Variants in ASAH1 observed in about 807,000 individuals in gnomAD.
ASAH1 encodes the protein N-acylsphingosine amidohydrolase 1.
In ASAH1, 70 loss-of-function variants were observed where a neutral mutation model predicts 59.5. The observed-to-expected ratio is 1.18, with a 90% CI of 0.97 to 1.43. ASAH1 has a LOEUF of 1.43. ASAH1 is among the 40% of genes most tolerant of loss of function. The pLI is 0.00. For missense variants in ASAH1, 660 were observed against 482.5 expected (o/e 1.37, Z -3.45); for synonymous variants, 213 against 166.5 (o/e 1.28, Z -2.15).
intron 1 of ASAH1, chr8:18,082,532 A>C (rs1451226146): frequency 6.6e-6 from 1 of 152,202 alleles, no homozygotes; most frequent in Non-Finnish European, 1.5e-5. Flanking sequence ...GGCACCTGCA[A>C]CGCACAAAAC....
At chr8:18,080,092 G>C (rs1026109832) in intron 1 of ASAH1, among the ~76,000 whole-genome samples, 2 of 152,168 alleles carry the variant, frequency 1.3e-5, no homozygotes, top group African/African-American at 4.8e-5. Context: ...TCCCTCTTTG[G>C]GAGAAGTAGG....
At chr8:18,078,865 C>G (rs891522914) in intron 1 of ASAH1, among the ~76,000 whole-genome samples, 1 of 152,140 alleles carries the variant, frequency 6.6e-6, no homozygotes, top group African/African-American at 2.4e-5. Flanking sequence ...CTCTAACCCT[C>G]TCCCCACAGT....
chr8:18,057,543 T>C lies in ASAH1; in HGVS notation c.1179A>G (p.Ile393Met). Residue 393 changes from isoleucine to methionine, a missense_variant, in exon 14 of 14, where the codon ATA becomes ATG. Transcript: ENST00000637790. ...TAGGCCAGACGTGTGCTCACCAACC[T>C]ATACAAGGGTCAGGGCAGTCCCGCA... ...TYLRDCPDPC[I>M]GW 1 of 1,598,170 alleles carries C rather than the reference T, an allele frequency of 6.3e-7. No individual in the cohort carries two copies.
Position 18,057,494 on chromosome 8 carries a change from T to C in ASAH1, c.*40A>G. 1 of 1,474,214 alleles carries C rather than the reference T, an allele frequency of 6.8e-7. No individual in the cohort carries two copies. Among genetic ancestry groups the C allele is most frequent in the Non-Finnish European group, 9.4e-7 (1 of 1,062,478 alleles). 91.3% of individuals were successfully genotyped at this position (1,474,214 alleles called of 1,614,324 possible). On this transcript the variant is annotated 3_prime_UTR_variant, in exon 14 of 14. Transcript: ENST00000637790. ...GTTCGGTCACATGGAGATGGTGTCT[T>C]CATGTCTCAGAGGCCGCATTCTGTA...
At chr8:18,069,421 T>C (rs1168788996) in intron 4 of ASAH1, 1 of 209,332 alleles carries the variant, frequency 4.8e-6, no homozygotes, top group Non-Finnish European at 9.7e-6. Flanking sequence ...AGGCTGAGTA[T>C]GTCATTTGCT....
rs1470195947 is a variant in ASAH1, at chr8:18,069,799, T to A, written c.296A>T (p.Glu99Val). ...AGAAATAATATCTCTTACCAATTTT[T>A]CATCCACCACCTGCATAATTTTTCC... ...PSGKIMQVVDEKLPGLLGNFP... is the reference protein window; with the variant it reads ...PSGKIMQVVDVKLPGLLGNFP... Residue 99 changes from glutamate (E) to valine (V), a missense_variant, in exon 4 of 14, where the codon GAA (glutamate) becomes GTA (valine). Glu to Val is a moderately radical substitution (Grantham distance 121). Transcript: ENST00000637790. 1 of 1,570,834 alleles carries A rather than the reference T, an allele frequency of 6.4e-7. No homozygotes were observed. Among genetic ancestry groups the A allele is most frequent in the Non-Finnish European group, 8.8e-7 (1 of 1,141,896 alleles).
At position 18,061,765 on chromosome 8, in the gene ASAH1, G is replaced by A. The variant is rs1442315215; in HGVS notation, c.649-25C>T. 2.6e-6 allele frequency: 4 copies of A among 1,557,388 alleles called. No homozygotes were observed. The East Asian group carries it at 9.6e-5, about 37-fold the overall frequency. ...CCTGAGAAAAAGACAAAGCAACGAA[G>A]TCAGAAACATCAACCATGCGCTTTA... On this transcript the variant is annotated intron_variant, in intron 8 of 13. Transcript: ENST00000637790.
At chr8:18,081,700 A>G (rs1437412510) in intron 1 of ASAH1, among the ~76,000 whole-genome samples, 3 of 152,236 alleles carry the variant, frequency 2.0e-5, no homozygotes, top group African/African-American at 7.2e-5. Flanking sequence ...AAATCAAATG[A>G]CTTGTTTCCA....
In ASAH1 at chr8:18,061,324, AAT is replaced by A. The variant is rs1799688704; in HGVS notation, c.785+51_785+52del. ...AGCTTGACAAATATTTTTATTTTTTAATATGAGTAATTTAAAATAAATATTTA... is the reference window on the plus strand; with the variant it reads ...AGCTTGACAAATATTTTTATTTTTTAATGAGTAATTTAAAATAAATATTTA... On this transcript the variant is annotated intron_variant, in intron 10 of 13. Transcript: ENST00000637790. 15 of 1,407,738 alleles carry A rather than the reference AAT, an allele frequency of 1.1e-5. No individual in the cohort carries two copies. The Admixed American group carries it at 2.3e-4, about 22-fold the overall frequency. 87.2% of individuals were successfully genotyped at this position (1,407,738 alleles called of 1,614,324 possible).
intron 1 of ASAH1, among the ~76,000 whole-genome samples, chr8:18,079,507 G>C (rs1199529941): frequency 6.6e-6 from 1 of 151,706 alleles, no homozygotes; most frequent in Non-Finnish European, 1.5e-5. Flanking sequence ...CTTAAAAAAT[G>C]GCATAACTTG....
Position 18,084,088 on chromosome 8 carries a change from C to G in ASAH1, c.-30G>C. On this transcript the variant is annotated 5_prime_UTR_variant, in exon 1 of 14. Coordinates refer to ENST00000637790, the MANE Select transcript of ASAH1 (RefSeq NM_177924.5). ...CTAGCAGCCAACGCCACTCCCCGGA[C>G]TCCAGCAGAGGCAAAGAAGAGCCGG... 1 of 1,597,788 alleles carries G rather than the reference C, an allele frequency of 6.3e-7. No homozygotes were observed. Among genetic ancestry groups the G allele is most frequent in the South Asian group, 1.1e-5 (1 of 91,034 alleles).
At position 18,084,089 on chromosome 8, in the gene ASAH1, T is replaced by A; in HGVS notation, c.-31A>T. On this transcript the variant is annotated 5_prime_UTR_variant, in exon 1 of 14. Coordinates refer to ENST00000637790, the MANE Select transcript of ASAH1 (RefSeq NM_177924.5). Reference sequence around the variant, plus strand: ...TAGCAGCCAACGCCACTCCCCGGACTCCAGCAGAGGCAAAGAAGAGCCGGC... The same window carrying A: ...TAGCAGCCAACGCCACTCCCCGGACACCAGCAGAGGCAAAGAAGAGCCGGC... 6.3e-7 allele frequency: 1 copy of A among 1,597,560 alleles called. No individual in the cohort carries two copies. The highest frequency in any genetic ancestry group is 8.5e-7 in the Non-Finnish European group (1 of 1,179,428).
At chr8:18,068,412 G>C (rs1372953149) in intron 4 of ASAH1, 2 of 152,266 alleles carry the variant, frequency 1.3e-5, no homozygotes, top group Admixed American at 1.3e-4. Context: ...GCATTTTTTT[G>C]TTTTGAGGAA....
chr8:18,070,212 C>G (rs1010906309), intron 3 of ASAH1, among the ~76,000 whole-genome samples: 1 of 152,018 alleles, frequency 6.6e-6, no homozygotes, highest in South Asian at 2.1e-4. Context: ...TGCAATGGCA[C>G]GATCTCTGCT....
At chr8:18,064,709 A>G (rs1799860573) in intron 5 of ASAH1, 178 bp from the exon 6 acceptor site, 5 of 567,536 alleles carry the variant, frequency 8.8e-6, no homozygotes, top group Non-Finnish European at 1.6e-5. Flanking sequence ...TCTAGACTCA[A>G]GATGAAACAA....
chr8:18,076,356 C>T (rs7465287), intron 1 of ASAH1: 9,321 of 152,516 alleles, frequency 0.061, 336 homozygotes, highest in Admixed American at 0.097. Context: ...CGTTCCTTGT[C>T]AATACCAGAC....
At chr8:18,070,006 C>A in intron 3 of ASAH1, 128 bp from the exon 4 acceptor site, 1 of 617,452 alleles carries the variant, frequency 1.6e-6, no homozygotes. Flanking sequence ...TTTAAAACAG[C>A]ATCTCGCTCT....
rs1206650026 is a variant in ASAH1, at chr8:18,056,124, T to C, written c.*1410A>G. ...TAAAGTTTTTTTTTCATTAATTAAA[T>C]CCTATTTTAATGTAAATCCTCTTAT... On this transcript the variant is annotated 3_prime_UTR_variant, in exon 14 of 14. Transcript: ENST00000637790. 1 of 152,128 alleles carries C rather than the reference T, an allele frequency of 6.6e-6. No homozygotes were observed. Among genetic ancestry groups the C allele is most frequent in the Admixed American group, 6.5e-5 (1 of 15,274 alleles). The allele number at this position is 152,128 out of a possible 1,614,324, so 9.4% of individuals were successfully genotyped here. A position where few individuals can be genotyped will look rare whatever the true frequency, so the allele number is the denominator to read the frequency against.
rs180688760 is a variant in ASAH1, at chr8:18,064,819, G to C, written c.383-288C>G. Reference sequence around the variant, plus strand: ...AATGTTTATCAACATGCTTCATTTTGAATTTTCTTTTGGGAGCGTAAATAT... The same window carrying C: ...AATGTTTATCAACATGCTTCATTTTCAATTTTCTTTTGGGAGCGTAAATAT... On this transcript the variant is annotated intron_variant, in intron 5 of 13. Coordinates refer to ENST00000637790, the MANE Select transcript of ASAH1 (RefSeq NM_177924.5). The C allele has an allele frequency of 2.4e-3, 802 of 335,122 alleles. 3 individuals are homozygous for C. Among genetic ancestry groups the C allele is most frequent in the African/African-American group, 0.016 (766 of 47,672 alleles). 20.8% of individuals were successfully genotyped at this position (335,122 alleles called of 1,614,324 possible).
Sources: gnomAD v4.1 joint callset for allele counts (sites outside exome capture counted in the v4.1 genomes callset) on GRCh38, gnomAD v4.1.1 for gene constraint, MANE v1.5 for transcripts, NCBI Gene and HGNC (gene_info 2026-07-23, HGNC 2026-07-21) for gene names.